Variants in AUTS2 observed in about 807,000 individuals in gnomAD.
AUTS2 encodes the protein autism susceptibility gene 2 protein.
Under a neutral mutation model 112.4 loss-of-function variants are expected in AUTS2, and 17 were observed. That is an observed-to-expected ratio of 0.15 (90% CI 0.10 to 0.23). AUTS2 has a LOEUF of 0.23. AUTS2 is among the 10% of genes least tolerant of loss of function. The pLI is 1.00. For synonymous variants in AUTS2, 751 were observed against 702.7 expected (o/e 1.07, Z -1.09); for missense variants, 1,510 against 1,701.6 (o/e 0.89, Z 1.98).
chr7:69,618,634 TA>T (rs1307521574), intron 1 of AUTS2, among the ~76,000 whole-genome samples: 142 of 152,340 alleles, frequency 9.3e-4, no homozygotes, highest in African/African-American at 3.2e-3. Flanking sequence ...ACCAGTACAC[TA>T]TGTGCTTGCT....
rs62455163 is a variant in AUTS2 at position 70,301,938 on chromosome 7, T to G, written c.661-133814T>G. On this transcript the variant is annotated intron_variant, in intron 4 of 18. Coordinates refer to ENST00000342771, the MANE Select transcript of AUTS2 (RefSeq NM_015570.4). ...GATGCCTGTGTTTTGTTTTTTGTGGTTTTTTTTTTTGGTATTTTTTGTAGA... is the reference window on the plus strand; with the variant it reads ...GATGCCTGTGTTTTGTTTTTTGTGGGTTTTTTTTTTGGTATTTTTTGTAGA... Among the ~76,000 whole-genome samples the G allele has an allele frequency of 2.9e-3, 202 of 69,468 alleles. 5 individuals carry two copies. The highest frequency in any genetic ancestry group is 0.012 in the African/African-American group (164 of 14,084). The allele number at this position is 69,468 out of a possible 152,430, so 45.6% of individuals were successfully genotyped here.
chr7:69,699,898 G>A (rs1797734289), intron 1 of AUTS2, among the ~76,000 whole-genome samples: 1 of 152,110 alleles, frequency 6.6e-6, no homozygotes, highest in African/African-American at 2.4e-5. Flanking sequence ...GCCCGCCTCG[G>A]CCTCCCAAAG....
At position 69,599,724 on chromosome 7, in the gene AUTS2, G is replaced by A; in HGVS notation, c.71G>A (p.Arg24Lys). Residue 24 changes from arginine to lysine, a missense_variant, in exon 1 of 19, where the codon AGG (arginine) becomes AAG (lysine). Coordinates refer to ENST00000342771, the MANE Select transcript of AUTS2 (RefSeq NM_015570.4). This position sits in a 1 kb window ranked among gnomAD's most constrained non-coding sequence, Gnocchi z 7.0. ...TCGCGGTCGCAGCGAGACCGGGAGA[G>A]GCGCTCCCGGGGCGGGCTGGGGGCC... ...RRSRSQRDRE[R>K]RSRGGLGAGA... is the part of the protein sequence containing the mutation. 2 of 1,324,652 alleles carry A rather than the reference G, an allele frequency of 1.5e-6. No homozygotes were observed. The highest frequency in any genetic ancestry group is 2.4e-5 in the South Asian group (1 of 40,834). The allele number at this position is 1,324,652 out of a possible 1,614,324, so 82.1% of individuals were successfully genotyped here.
chr7:70,367,646 A>G (rs535920075), intron 4 of AUTS2, among the ~76,000 whole-genome samples: 1 of 152,256 alleles, frequency 6.6e-6, no homozygotes, highest in East Asian at 1.9e-4. Context: ...AATGTTCACT[A>G]ATGATGGCTA....
intron 1 of AUTS2, among the ~76,000 whole-genome samples, chr7:69,778,119 G>C (rs905855529): frequency 1.3e-5 from 2 of 151,894 alleles, no homozygotes; most frequent in African/African-American, 4.8e-5. Flanking sequence ...TTAATTAACA[G>C]TAATTCTTAA....
intron 1 of AUTS2, among the ~76,000 whole-genome samples, chr7:69,754,699 G>A (rs1483642879): frequency 1.3e-5 from 2 of 152,156 alleles, no homozygotes; most frequent in Admixed American, 1.3e-4. Context: ...TGACATTCGA[G>A]TTCCTGTTTT....
At chr7:70,211,331 A>AT (rs67312947) in intron 4 of AUTS2, among the ~76,000 whole-genome samples, 45 of 143,030 alleles carry the variant, frequency 3.1e-4, no homozygotes, top group South Asian at 1.4e-3. Context: ...ATTTAAAAGA[A>AT]TTTTTTTTTT....
intron 6 of AUTS2, chr7:70,699,382 T>C (rs1358199370): frequency 6.6e-6 from 1 of 152,226 alleles, no homozygotes; most frequent in African/African-American, 2.4e-5. Context: ...AATTGCTAAG[T>C]AAAGATGTGC....
intron 1 of AUTS2, among the ~76,000 whole-genome samples, chr7:69,891,938 G>T (rs1032682782): frequency 6.0e-5 from 9 of 150,348 alleles, no homozygotes; most frequent in Non-Finnish European, 1.0e-4. Context: ...GATTACAGGT[G>T]CATGCCACCA....
intron 2 of AUTS2, among the ~76,000 whole-genome samples, chr7:70,008,379 T>C (rs1799642742): frequency 6.6e-6 from 1 of 152,196 alleles, no homozygotes. Flanking sequence ...TTTTTGTTTT[T>C]GTTTTGCTAC....
At chr7:70,004,611 C>T (rs1374565589) in intron 2 of AUTS2, among the ~76,000 whole-genome samples, 2 of 150,736 alleles carry the variant, frequency 1.3e-5, no homozygotes, top group East Asian at 3.9e-4. Flanking sequence ...GTGAGAACAG[C>T]AAGGAAGAAC....
At chr7:70,061,150 C>T (rs768538353) in intron 2 of AUTS2, among the ~76,000 whole-genome samples, 3 of 152,206 alleles carry the variant, frequency 2.0e-5, no homozygotes, top group African/African-American at 7.2e-5. Context: ...CATTCTGGTT[C>T]GTGTTGAGAG....
At chr7:70,279,042 T>C (rs893698604) in intron 4 of AUTS2, among the ~76,000 whole-genome samples, 1 of 152,242 alleles carries the variant, frequency 6.6e-6, no homozygotes, top group Non-Finnish European at 1.5e-5. Flanking sequence ...CTTTGTGAAT[T>C]ATATTTATAA....
chr7:70,606,574 C>T (rs977161374), intron 5 of AUTS2, among the ~76,000 whole-genome samples: 1 of 152,106 alleles, frequency 6.6e-6, no homozygotes, highest in Non-Finnish European at 1.5e-5. Context: ...AATAGTGTTT[C>T]TTGGGGCCAG....
intron 2 of AUTS2, among the ~76,000 whole-genome samples, chr7:70,102,866 A>G (rs1288059347): frequency 1.3e-5 from 2 of 152,138 alleles, no homozygotes; most frequent in African/African-American, 4.8e-5. Context: ...AGACTGCTTT[A>G]ATTATTTGAA....
At chr7:70,181,780 A>C (rs1291567055) in intron 4 of AUTS2, among the ~76,000 whole-genome samples, 1,839 of 108,576 alleles carry the variant, frequency 0.017, no homozygotes, top group Middle Eastern at 0.078. Flanking sequence ...TGAGCCACCA[A>C]GCCCAGCTGA....
At chr7:70,335,122 G>A (rs1024655093) in intron 4 of AUTS2, among the ~76,000 whole-genome samples, 10 of 152,244 alleles carry the variant, frequency 6.6e-5, no homozygotes, top group South Asian at 4.1e-4. Flanking sequence ...AATGCCACAC[G>A]TCAGGGAAGC....
chr7:69,748,827 G>A (rs1787618229), intron 1 of AUTS2, among the ~76,000 whole-genome samples: 1 of 152,138 alleles, frequency 6.6e-6, no homozygotes, highest in Non-Finnish European at 1.5e-5. Context: ...GGGAAATAAT[G>A]AGTGTGTCAG....
intron 5 of AUTS2, among the ~76,000 whole-genome samples, chr7:70,605,369 G>A (rs1803676559): frequency 6.6e-6 from 1 of 152,128 alleles, no homozygotes; most frequent in African/African-American, 2.4e-5. Context: ...ATGTTCACAG[G>A]CTGACCAAGC....
Sources: allele counts gnomAD v4.1 joint callset (sites outside exome capture counted in the v4.1 genomes callset), GRCh38; gene constraint gnomAD v4.1.1; non-coding constraint Gnocchi (gnomAD v3.1); transcripts MANE v1.5; gene names NCBI Gene and HGNC (gene_info 2026-07-23, HGNC 2026-07-21).